Variants in MNT observed in about 807,000 individuals in gnomAD.
MNT encodes the protein max-binding protein MNT.
Under a neutral mutation model 40.7 loss-of-function variants are expected in MNT, and 13 were observed. The ratio of observed to expected loss-of-function variants is 0.32; its 90% CI spans 0.21 to 0.51. The LOEUF is 0.51. Ranked by LOEUF, MNT falls within the 20% of genes least tolerant of loss-of-function variation. MNT has a pLI of 0.98. For synonymous variants in MNT, 426 were observed against 354.8 expected (o/e 1.20, Z -2.26); for missense variants, 757 against 792.0 (o/e 0.96, Z 0.53).
chr17:2,398,646 G>C (rs2066593072), intron 1 of MNT, among the ~76,000 whole-genome samples: 1 of 152,238 alleles, frequency 6.6e-6, no homozygotes, highest in South Asian at 2.1e-4. Context: ...CCGGCACACA[G>C]AAGTCGTGAC....
chr17:2,400,830 G>A lies in MNT; in HGVS notation c.-118C>T. The A allele has an allele frequency of 1.4e-6, 1 of 726,526 alleles. No homozygotes were observed. Among genetic ancestry groups the A allele is most frequent in the South Asian group, 2.2e-5 (1 of 44,824 alleles). The allele number at this position is 726,526 out of a possible 1,614,324, so 45.0% of individuals were successfully genotyped here. A position where few individuals can be genotyped will look rare whatever the true frequency, so the allele number is the denominator to read the frequency against. On this transcript the variant is annotated 5_prime_UTR_variant, in exon 1 of 6. Coordinates refer to ENST00000174618, the MANE Select transcript of MNT (RefSeq NM_020310.3). ...TCACCTCCGGGGGGCGACAGGGCTG[G>A]GCGGCGCAGCGCACTCCGCAGGGAA...
At chr17:2,395,900 G>T (rs535459543) in intron 1 of MNT, among the ~76,000 whole-genome samples, 8 of 152,084 alleles carry the variant, frequency 5.3e-5, no homozygotes, top group South Asian at 2.1e-4. Flanking sequence ...CACACCAGAG[G>T]GGGGGGTGTG....
Position 2,387,229 on chromosome 17 carries a change from G to T in MNT, c.1421C>A (p.Ala474Asp). ...GKHIAHIAPS[A>D]PSPAVQLAPA... ...CGCCAGTTGCACCGCAGGGCTGGGG[G>T]CCGAGGGGGCGATGTGGGCGATGTG... Residue 474 changes from alanine (A) to aspartate (D), a missense_variant, in exon 6 of 6, where the codon GCC (alanine) becomes GAC (aspartate). Transcript: ENST00000174618. The T allele has an allele frequency of 6.2e-7, 1 of 1,611,594 alleles. No individual in the cohort carries two copies. The highest frequency in any genetic ancestry group is 8.5e-7 in the Non-Finnish European group (1 of 1,179,202).
rs747838089 is a variant in MNT at position 2,387,647 on chromosome 17, C to T, written c.1003G>A (p.Gly335Ser). 1 of 1,613,980 alleles carries T rather than the reference C, an allele frequency of 6.2e-7. No homozygotes were observed. Residue 335 changes from glycine to serine, a missense_variant and splice_region_variant, in exon 6 of 6, where the codon GGT becomes AGT. By Grantham distance (56) the Gly-to-Ser change is moderately conservative (BLOSUM62 0). Coordinates refer to ENST00000174618, the MANE Select transcript of MNT (RefSeq NM_020310.3). ...DQASTSTASEGEDNIDEDMEE... is the reference protein window; with the variant it reads ...DQASTSTASESEDNIDEDMEE... ...ATATCCTCGTCTATGTTGTCCTCAC[C>T]CTCTGTGGGGAACATGGGGCAGGGA...
rs1334898294 is a variant in MNT at position 2,384,273 on chromosome 17, AAC to A, written c.*2626_*2627del. On this transcript the variant is annotated 3_prime_UTR_variant, in exon 6 of 6. Coordinates refer to ENST00000174618, the MANE Select transcript of MNT (RefSeq NM_020310.3). The stretch of plus-strand genomic sequence containing the variant: ...TTTTTCCACACAGCAGATGTATCCA[AAC>A]ACATAAAAATCTCTACAGTCTGGGG... 1 of 152,346 alleles carries A rather than the reference AAC, an allele frequency of 6.6e-6. No individual in the cohort carries two copies. Among genetic ancestry groups the A allele is most frequent in the Non-Finnish European group, 1.5e-5 (1 of 67,994 alleles). The allele number at this position is 152,346 out of a possible 1,614,324, so 9.4% of individuals were successfully genotyped here.
intron 1 of MNT, among the ~76,000 whole-genome samples, chr17:2,399,101 C>A (rs1182690933): frequency 1.3e-5 from 2 of 151,824 alleles, no homozygotes; most frequent in African/African-American, 4.8e-5. Context: ...ATTGAAGCAA[C>A]AATAGGCAGA....
In MNT at chr17:2,385,800, G is replaced by A. The variant is rs77267617; in HGVS notation, c.*1101C>T. 0.017 allele frequency: 2,623 copies of A among 152,382 alleles called. 33 individuals carry two copies. Among genetic ancestry groups the A allele is most frequent in the Non-Finnish European group, 0.024 (1,624 of 68,064 alleles). The allele number at this position is 152,382 out of a possible 1,614,324, so 9.4% of individuals were successfully genotyped here. A position where few individuals can be genotyped will look rare whatever the true frequency, so the allele number is the denominator to read the frequency against. ...GGTCTGGGGACAGGCTTAGGGCTTG[G>A]CTAAGCCGCTGGGTTTTTACCTTCC... On this transcript the variant is annotated 3_prime_UTR_variant, in exon 6 of 6. Transcript: ENST00000174618.
At chr17:2,395,556 C>A in intron 1 of MNT, 102 bp from the exon 2 acceptor site, 1 of 1,538,194 alleles carries the variant, frequency 6.5e-7, no homozygotes. Flanking sequence ...TCAGTGACAC[C>A]CCTGCTCAGC....
At chr17:2,392,951 C>G (rs990629301) in intron 4 of MNT, among the ~76,000 whole-genome samples, 5 of 152,138 alleles carry the variant, frequency 3.3e-5, no homozygotes, top group Non-Finnish European at 1.5e-5. Context: ...GCCCCTCCCT[C>G]AGCAAGTCAG....
At chr17:2,399,001 TC>T (rs1007338875) in intron 1 of MNT, among the ~76,000 whole-genome samples, 13 of 108,876 alleles carry the variant, frequency 1.2e-4, no homozygotes, top group Admixed American at 1.8e-4. Flanking sequence ...CCGCTGCCGC[TC>T]CCCCCTTCCC....
chr17:2,393,347 A>G (rs2066541017), intron 4 of MNT, among the ~76,000 whole-genome samples: 1 of 152,102 alleles, frequency 6.6e-6, no homozygotes, highest in African/African-American at 2.4e-5. Flanking sequence ...AGCGACGCCC[A>G]AAGGGAGGGG....
rs866017809 is a variant in MNT at position 2,388,007 on chromosome 17, G to T, written c.850C>A (p.Arg284=). The T allele has an allele frequency of 1.3e-6, 2 of 1,570,242 alleles. No individual in the cohort carries two copies. The highest frequency in any genetic ancestry group is 3.7e-5 in the Admixed American group (2 of 54,426). ...KEKEYEHEME[R]LAREKIATQQ... is the part of the protein sequence containing the mutation. The stretch of plus-strand genomic sequence containing the variant: ...GTGGCAATCTTCTCACGTGCCAGCC[G>T]CTCCATTTCATGCTCATATTCCTTC... The change falls in exon 5 of 6, where the codon CGG becomes AGG. Residue 284 remains arginine (R), a synonymous_variant. Coordinates refer to ENST00000174618, the MANE Select transcript of MNT (RefSeq NM_020310.3).
intron 4 of MNT, chr17:2,392,841 G>C (rs1486872108): frequency 1.3e-5 from 2 of 152,036 alleles, no homozygotes; most frequent in Non-Finnish European, 2.9e-5. Context: ...CTGGAGGCGC[G>C]CCAGCCCCGC....
intron 1 of MNT, among the ~76,000 whole-genome samples, chr17:2,399,346 C>G (rs1348409359): frequency 1.3e-5 from 2 of 152,186 alleles, no homozygotes; most frequent in African/African-American, 4.8e-5. Flanking sequence ...TCTTCCCTTT[C>G]GAGGGAGCGC....
chr17:2,400,497 C>T, intron 1 of MNT, 143 bp downstream of exon 1: 2 of 639,286 alleles, frequency 3.1e-6, no homozygotes, highest in Non-Finnish European at 5.0e-6. Context: ...CCCCAGGCGG[C>T]GGCTCTCGCG....
intron 1 of MNT, among the ~76,000 whole-genome samples, chr17:2,397,079 G>A (rs1377167868): frequency 1.3e-5 from 2 of 152,176 alleles, no homozygotes; most frequent in Non-Finnish European, 2.9e-5. Context: ...TCCTGGGAGG[G>A]GAAGCCTCAG....
rs564784375 is a variant in MNT, at chr17:2,388,165, G to A, written c.808-116C>T. ...CAGAGGCAAGTCCGTGGCAACCAGC[G>A]GGCCCAGCCTGACGGGGGCTGCTGG... is the stretch of plus-strand genomic sequence containing the variant. On this transcript the variant is annotated intron_variant, in intron 4 of 5. Transcript: ENST00000174618. 184 of 987,012 alleles carry A rather than the reference G, an allele frequency of 1.9e-4. 2 individuals carry two copies. In the South Asian group the frequency reaches 2.5e-3, roughly 14 times the overall value. 61.1% of individuals were successfully genotyped at this position (987,012 alleles called of 1,614,324 possible).
At chr17:2,391,848 G>C (rs1255463635) in intron 4 of MNT, 1 of 152,204 alleles carries the variant, frequency 6.6e-6, no homozygotes. Context: ...TGTGGCCCAG[G>C]CTGTCCTCGA....
intron 4 of MNT, among the ~76,000 whole-genome samples, chr17:2,388,532 T>C (rs2066487265): frequency 6.6e-6 from 1 of 151,902 alleles, no homozygotes; most frequent in Non-Finnish European, 1.5e-5. Context: ...AGGACTCGCC[T>C]CCCTCCTGGC....
Sources: gnomAD v4.1 joint callset for allele counts (sites outside exome capture counted in the v4.1 genomes callset) on GRCh38, gnomAD v4.1.1 for gene constraint, MANE v1.5 for transcripts, NCBI Gene and HGNC (gene_info 2026-07-23, HGNC 2026-07-21) for gene names.